GNAQ: variants seen among roughly 807,000 people sequenced by gnomAD.
GNAQ encodes guanine nucleotide-binding protein G(q) subunit alpha.
A neutral mutation model predicts 43.9 loss-of-function variants in GNAQ; 8 were observed. The observed-to-expected ratio is 0.18, with a 90% CI of 0.11 to 0.33. GNAQ has a LOEUF of 0.33. Among genes scored for constraint, GNAQ ranks in the 10% least tolerant of loss-of-function variants. GNAQ has a pLI of 1.00. For missense variants in GNAQ, 158 were observed against 450.8 expected (o/e 0.35, Z 5.88); for synonymous variants, 155 against 170.7 (o/e 0.91, Z 0.71).
chr9:77,742,817 G>A (rs1205222324), intron 5 of GNAQ, among the ~76,000 whole-genome samples: 1 of 152,184 alleles, frequency 6.6e-6, no homozygotes, highest in Non-Finnish European at 1.5e-5. Context: ...AGCAGACAAC[G>A]TTGAAAGACC....
intron 2 of GNAQ, among the ~76,000 whole-genome samples, chr9:77,910,884 G>C (rs969373927): frequency 3.9e-5 from 6 of 152,194 alleles, no homozygotes; most frequent in Admixed American, 3.9e-4. Context: ...TTTTGTCGTA[G>C]AGTATGTTTC....
At chr9:77,770,185 T>C (rs563969676) in intron 5 of GNAQ, among the ~76,000 whole-genome samples, 21 of 152,242 alleles carry the variant, frequency 1.4e-4, no homozygotes, top group Admixed American at 2.6e-4. Flanking sequence ...TGTATGTGTA[T>C]ATAATTCAAC....
At chr9:77,807,086 A>G (rs187972922) in intron 3 of GNAQ, among the ~76,000 whole-genome samples, 1 of 152,292 alleles carries the variant, frequency 6.6e-6, no homozygotes, top group East Asian at 1.9e-4. Context: ...TCATGCTAAC[A>G]TGAGTTAACG....
chr9:77,983,983 A>ACT (rs911554453), intron 1 of GNAQ, among the ~76,000 whole-genome samples: 5 of 142,692 alleles, frequency 3.5e-5, no homozygotes, highest in Admixed American at 1.5e-4. Flanking sequence ...TTATTCAAAG[A>ACT]CTCTCTCTCT....
chr9:77,771,882 A>G (rs1000494359), intron 5 of GNAQ, among the ~76,000 whole-genome samples: 3 of 151,890 alleles, frequency 2.0e-5, no homozygotes, highest in African/African-American at 7.3e-5. Flanking sequence ...AACAGCAACC[A>G]CCCACCTGGA....
At chr9:77,739,430 T>TA (rs1384607490) in intron 5 of GNAQ, among the ~76,000 whole-genome samples, 2 of 152,222 alleles carry the variant, frequency 1.3e-5, no homozygotes, top group Admixed American at 1.3e-4. Flanking sequence ...AGTCTTTATA[T>TA]ACTGAAGTCA....
At chr9:77,870,156 C>T (rs952239217) in intron 2 of GNAQ, among the ~76,000 whole-genome samples, 1 of 152,032 alleles carries the variant, frequency 6.6e-6, no homozygotes, top group African/African-American at 2.4e-5. Context: ...AAAAAGTGAT[C>T]TTCTACATTG....
At chr9:77,747,180 A>C (rs1362689917) in intron 5 of GNAQ, among the ~76,000 whole-genome samples, 1 of 152,116 alleles carries the variant, frequency 6.6e-6, no homozygotes, top group Non-Finnish European at 1.5e-5. Flanking sequence ...TAAATAATGA[A>C]CATATATTAC....
chr9:77,956,818 C>G (rs1178105085), intron 1 of GNAQ, among the ~76,000 whole-genome samples: 1 of 152,200 alleles, frequency 6.6e-6, no homozygotes, highest in East Asian at 1.9e-4. Context: ...CAGGGACACA[C>G]TGTCTCTTTA....
At chr9:77,976,390 G>A (rs775497551) in intron 1 of GNAQ, among the ~76,000 whole-genome samples, 9 of 147,620 alleles carry the variant, frequency 6.1e-5, no homozygotes, top group African/African-American at 2.2e-4. Flanking sequence ...GTTTTTTTTT[G>A]TTTTTGTTTT....
intron 1 of GNAQ, among the ~76,000 whole-genome samples, chr9:78,006,992 G>C (rs1431540389): frequency 6.6e-6 from 1 of 152,156 alleles, no homozygotes; most frequent in African/African-American, 2.4e-5. Flanking sequence ...AGCTTCACCA[G>C]AGTACTTAGC....
chr9:77,798,776 C>T (rs1045936472), intron 3 of GNAQ, among the ~76,000 whole-genome samples: 1 of 152,084 alleles, frequency 6.6e-6, no homozygotes, highest in Non-Finnish European at 1.5e-5. Flanking sequence ...AAAGTCTGTA[C>T]ATGTTCAGTA....
At chr9:77,821,724 G>GGT (rs1554718670) in intron 2 of GNAQ, among the ~76,000 whole-genome samples, 10,131 of 142,294 alleles carry the variant, frequency 0.071, 652 homozygotes, top group East Asian at 0.16. Flanking sequence ...TCCTAGTATG[G>GGT]GTGTGTGTGT....
At position 77,894,389 on chromosome 9, in the gene GNAQ, A is replaced by ATATATAATATATATTTAATAG. The variant is rs1564143605; in HGVS notation, c.321+27771_321+27772insCTATTAAATATATATTATATA. Among the ~76,000 whole-genome samples, 3 of 8,670 alleles carry ATATATAATATATATTTAATAG rather than the reference A, an allele frequency of 3.5e-4. 1 individual carries two copies. Among genetic ancestry groups the ATATATAATATATATTTAATAG allele is most frequent in the Admixed American group, 2.8e-3 (1 of 360 alleles). The allele number at this position is 8,670 out of a possible 152,430, so 5.7% of individuals were successfully genotyped here. A position where few individuals can be genotyped will look rare whatever the true frequency, so the allele number is the denominator to read the frequency against. On this transcript the variant is annotated intron_variant, in intron 2 of 6. Coordinates refer to ENST00000286548, the MANE Select transcript of GNAQ (RefSeq NM_002072.5). ...ATATTATATATATATTTAATAGAAAAAAAATATATATTTTATATATATATT... is the reference window on the plus strand; with the variant it reads ...ATATTATATATATATTTAATAGAAAATATATAATATATATTTAATAGAAAATATATATTTTATATATATATT...
chr9:77,902,709 C>T (rs866452294), intron 2 of GNAQ, among the ~76,000 whole-genome samples: 7 of 152,128 alleles, frequency 4.6e-5, no homozygotes, highest in African/African-American at 7.2e-5. Flanking sequence ...GAAAAATGAA[C>T]GCCAATTTGT....
At chr9:77,917,736 A>G (rs1828934158) in intron 2 of GNAQ, among the ~76,000 whole-genome samples, 1 of 152,132 alleles carries the variant, frequency 6.6e-6, no homozygotes, top group Non-Finnish European at 1.5e-5. Context: ...ATGCAAAATA[A>G]TATTTAGGAA....
chr9:78,007,830 C>T (rs948011196), intron 1 of GNAQ, among the ~76,000 whole-genome samples: 3 of 152,150 alleles, frequency 2.0e-5, no homozygotes, highest in African/African-American at 7.2e-5. Flanking sequence ...GGTTGGCTTC[C>T]AAGACTGAAC....
chr9:77,831,358 G>T (rs1462500529), intron 2 of GNAQ, among the ~76,000 whole-genome samples: 4 of 152,132 alleles, frequency 2.6e-5, no homozygotes, highest in Non-Finnish European at 5.9e-5. Context: ...AGTTTAAAAG[G>T]CAGTCTACAC....
chr9:77,805,109 T>TTC (rs773490429), intron 3 of GNAQ, among the ~76,000 whole-genome samples: 9 of 152,090 alleles, frequency 5.9e-5, no homozygotes, highest in Non-Finnish European at 1.2e-4. Flanking sequence ...GAAGTAACAG[T>TTC]TCTGCAAAAC....
Sources: allele counts gnomAD v4.1 joint callset (sites outside exome capture counted in the v4.1 genomes callset), GRCh38; gene constraint gnomAD v4.1.1; transcripts MANE v1.5; gene names NCBI Gene and HGNC (gene_info 2026-07-23, HGNC 2026-07-21).